Variants in SMARCA2 observed in about 807,000 individuals in gnomAD.
The protein encoded by SMARCA2 is SWI/SNF related BAF chromatin remodeling complex subunit ATPase 2.
Under a neutral mutation model 199.8 loss-of-function variants are expected in SMARCA2, and 61 were observed. The ratio of observed to expected loss-of-function variants is 0.31; its 90% CI spans 0.25 to 0.38. SMARCA2 has a LOEUF of 0.38. SMARCA2 is among the 10% of genes least tolerant of loss of function. The pLI, the probability that SMARCA2 is intolerant of heterozygous loss-of-function variation, is 1.00. For missense variants in SMARCA2, 1,344 were observed against 2,012.2 expected, an observed-to-expected ratio of 0.67 and a Z score of 6.35; for synonymous variants, 935 against 732.0, an observed-to-expected ratio of 1.28 and a Z score of -4.48.
chr9:2,115,878 A>G lies in SMARCA2; in HGVS notation c.3513A>G (p.Val1171=), dbSNP rs754177529. The change falls in exon 25 of 34, where the codon GTA becomes GTG. Residue 1171 remains valine, a synonymous_variant. Coordinates refer to ENST00000349721, the MANE Select transcript of SMARCA2 (RefSeq NM_003070.5). The surrounding 1 kb of genome is among the most constrained non-coding windows in gnomAD (Gnocchi z 6.0). ...TCGGGCAGCAGAACGAGGTCCGGGT[A>G]CTGAGGCTCTGTACCGTGAACAGCG... The part of the protein sequence containing the change: ...HRIGQQNEVR[V]LRLCTVNSVE... The G allele has an allele frequency of 5.0e-6, 8 of 1,613,950 alleles. No homozygotes were observed. In the South Asian group the frequency reaches 8.8e-5, roughly 18 times the overall value.
intron 8 of SMARCA2, among the ~76,000 whole-genome samples, chr9:2,059,787 G>A (rs1820505515): frequency 1.3e-5 from 2 of 152,174 alleles, no homozygotes; most frequent in African/African-American, 4.8e-5. Flanking sequence ...AGATGCTAGA[G>A]TGACACCCCT....
At chr9:2,181,436 T>A in intron 29 of SMARCA2, 135 bp from the exon 30 acceptor site, 1 of 615,812 alleles carries the variant, frequency 1.6e-6, no homozygotes, top group East Asian at 3.0e-5. Context: ...GTGGGATTTT[T>A]CCTGACTTAA....
intron 2 of SMARCA2, 30 bp downstream of exon 2, chr9:2,029,277 A>T (rs1015107266): frequency 6.3e-7 from 1 of 1,585,334 alleles, no homozygotes; most frequent in Non-Finnish European, 8.6e-7. Context: ...TTCAAACTCA[A>T]CTTCTGATAA....
chr9:2,056,729 A>T lies in SMARCA2; in HGVS notation c.1231A>T (p.Asn411Tyr). 4 of 1,614,232 alleles carry T rather than the reference A, an allele frequency of 2.5e-6. No individual in the cohort carries two copies. The highest frequency in any genetic ancestry group is 2.5e-6 in the Non-Finnish European group (3 of 1,180,036). Reference sequence around the variant, plus strand: ...GGACACGACCCTGGAGACGGCTCTCAACTCCAAAGCATACAAACGGAGCAA... The same window carrying T: ...GGACACGACCCTGGAGACGGCTCTCTACTCCAAAGCATACAAACGGAGCAA... The part of the protein sequence containing the change: ...RRDTTLETAL[N>Y]SKAYKRSKRQ... The change falls in exon 7 of 34, where the codon AAC becomes TAC. Residue 411 changes from asparagine to tyrosine, a missense_variant. Asn to Tyr is a moderately radical substitution (Grantham distance 143). Around this residue, in one of 18 missense-constraint regions of SMARCA2, gnomAD observed 155 missense variants for 260.0 expected, o/e 0.60. Transcript: ENST00000349721. The surrounding 1 kb of genome is among the most constrained non-coding windows in gnomAD (Gnocchi z 4.0).
rs1825676532 is a variant in SMARCA2 at position 2,161,575 on chromosome 9, A to T, written c.3982-111A>T. ...GTTAACTTTTACTTTTTTTTGGTTAATTTCTTTCATTTTATTCTAATTGTT... is the reference window on the plus strand; with the variant it reads ...GTTAACTTTTACTTTTTTTTGGTTATTTTCTTTCATTTTATTCTAATTGTT... On this transcript the variant is annotated intron_variant, in intron 27 of 33. Transcript: ENST00000349721. This position sits in a 1 kb window ranked among gnomAD's most constrained non-coding sequence, Gnocchi z 4.7. 1.2e-5 allele frequency: 9 copies of T among 744,238 alleles called. No individual in the cohort carries two copies. Among genetic ancestry groups the T allele is most frequent in the East Asian group, 2.7e-5 (1 of 37,048 alleles). 46.1% of individuals were successfully genotyped at this position (744,238 alleles called of 1,614,324 possible). A position where few individuals can be genotyped will look rare whatever the true frequency, so the allele number is the denominator to read the frequency against.
chr9:2,081,654 G>A (rs540474331), intron 14 of SMARCA2, among the ~76,000 whole-genome samples, 178 bp from the exon 15 acceptor site: 2 of 152,346 alleles, frequency 1.3e-5, no homozygotes, highest in East Asian at 3.9e-4. Context: ...CTCATGGAGA[G>A]AATGATCAGG....
intron 29 of SMARCA2, among the ~76,000 whole-genome samples, chr9:2,176,907 TCCCATCCCA>T (rs1476653788): frequency 6.6e-6 from 1 of 152,118 alleles, no homozygotes; most frequent in Non-Finnish European, 1.5e-5. Context: ...ACAAGTCTAC[TCCCATCCCA>T]CCCTGTTTTG....
intron 5 of SMARCA2, 27 bp downstream of exon 5, chr9:2,047,511 C>A: frequency 7.3e-7 from 1 of 1,366,844 alleles, no homozygotes; most frequent in East Asian, 2.9e-5. Flanking sequence ...GCAAGGGGCC[C>A]CCTGCGGTGT....
At chr9:2,084,793 C>A (rs1225471253) in intron 17 of SMARCA2, among the ~76,000 whole-genome samples, 1 of 152,114 alleles carries the variant, frequency 6.6e-6, no homozygotes, top group African/African-American at 2.4e-5. Context: ...AGAGGTGTTT[C>A]TGTGACTTAC....
At chr9:2,061,149 G>C (rs1793808136) in intron 9 of SMARCA2, 163 bp downstream of exon 9, 1 of 633,442 alleles carries the variant, frequency 1.6e-6, no homozygotes, top group South Asian at 2.0e-5. Context: ...GTGTTGATTA[G>C]GTACACTAGA....
At chr9:2,096,141 A>C (rs1417924035) in intron 19 of SMARCA2, among the ~76,000 whole-genome samples, 2 of 152,186 alleles carry the variant, frequency 1.3e-5, no homozygotes, top group Non-Finnish European at 2.9e-5. Flanking sequence ...CAAGAGTAGA[A>C]GTTAATGGTA....
chr9:2,041,641 AG>A (rs1344610222), intron 4 of SMARCA2: 2 of 373,788 alleles, frequency 5.4e-6, no homozygotes, highest in African/African-American at 4.2e-5. Flanking sequence ...AGGGCAAGAA[AG>A]TATCATTTCA....
Position 2,063,719 on chromosome 9 carries a change from T to G in SMARCA2, c.1692+2733T>G, listed in dbSNP as rs141553275. Among the ~76,000 whole-genome samples the G allele has an allele frequency of 7.4e-3, 1,045 of 141,208 alleles. 16 individuals carry two copies. Among genetic ancestry groups the G allele is most frequent in the African/African-American group, 0.026 (1,004 of 37,952 alleles). The allele number at this position is 141,208 out of a possible 152,430, so 92.6% of individuals were successfully genotyped here. On this transcript the variant is annotated intron_variant, in intron 9 of 33. Coordinates refer to ENST00000349721, the MANE Select transcript of SMARCA2 (RefSeq NM_003070.5). Reference sequence around the variant, plus strand: ...ATCTGAAAAAGATTACCTTTTATTTTCAGCGTTAAACTAGTGTACAATTTT... The same window carrying G: ...ATCTGAAAAAGATTACCTTTTATTTGCAGCGTTAAACTAGTGTACAATTTT...
chr9:2,116,465 G>C (rs1823222406), intron 25 of SMARCA2, among the ~76,000 whole-genome samples: 1 of 152,312 alleles, frequency 6.6e-6, no homozygotes, highest in South Asian at 2.1e-4. Context: ...CTTTTGATCA[G>C]GGATCACAGA....
chr9:2,142,871 G>A (rs917944491), intron 27 of SMARCA2, among the ~76,000 whole-genome samples: 4 of 152,138 alleles, frequency 2.6e-5, no homozygotes, highest in African/African-American at 9.7e-5. Context: ...AAGCAGAGGG[G>A]TAAACAATAA....
chr9:2,023,912 T>C (rs1385210936), intron 1 of SMARCA2, among the ~76,000 whole-genome samples: 4 of 152,190 alleles, frequency 2.6e-5, no homozygotes, highest in Non-Finnish European at 5.9e-5. Flanking sequence ...CTTAACTATC[T>C]CCTGAACCTT....
chr9:2,122,513 G>A (rs530478478), intron 26 of SMARCA2, among the ~76,000 whole-genome samples: 21 of 152,244 alleles, frequency 1.4e-4, no homozygotes, highest in Admixed American at 1.2e-3. Flanking sequence ...ACATGACAGA[G>A]CAAGGTGGCC....
intron 1 of SMARCA2, among the ~76,000 whole-genome samples, chr9:2,019,099 C>T (rs541688733): frequency 5.1e-4 from 78 of 151,772 alleles, no homozygotes; most frequent in African/African-American, 1.7e-3. Context: ...TTAGAGACAC[C>T]TGTTAGGTCC....
intron 1 of SMARCA2, among the ~76,000 whole-genome samples, chr9:2,026,265 A>G (rs561097594): frequency 1.3e-5 from 2 of 152,330 alleles, no homozygotes; most frequent in South Asian, 2.1e-4. Flanking sequence ...TGTTAGTCTG[A>G]GCCACACACA....
Sources: allele counts gnomAD v4.1 joint callset (sites outside exome capture counted in the v4.1 genomes callset), GRCh38; gene constraint gnomAD v4.1.1; regional missense constraint gnomAD v4.1.1; non-coding constraint Gnocchi (gnomAD v3.1); transcripts MANE v1.5; gene names NCBI Gene and HGNC (gene_info 2026-07-23, HGNC 2026-07-21).